VDR: variants seen among roughly 807,000 people sequenced by gnomAD.
The protein encoded by VDR is vitamin D receptor.
VDR carries 19 observed loss-of-function variants against 39.7 expected under a neutral mutation model. The observed-to-expected ratio is 0.48, with a 90% confidence interval of 0.33 to 0.70. The LOEUF (loss-of-function observed/expected upper bound fraction) is 0.70. Among genes scored for constraint, VDR ranks in the 30% least tolerant of loss-of-function variants. The pLI is 0.02. For synonymous variants in VDR, 242 were observed against 215.8 expected (o/e 1.12, Z -1.07); for missense variants, 442 against 570.5 (o/e 0.77, Z 2.29).
chr12:47,887,505 G>C (rs1946280672), intron 1 of VDR, among the ~76,000 whole-genome samples: 1 of 152,194 alleles, frequency 6.6e-6, no homozygotes, highest in Non-Finnish European at 1.5e-5. Context: ...AGTTGCAGGG[G>C]AGAAGCAGCA....
intron 3 of VDR, among the ~76,000 whole-genome samples, chr12:47,876,326 A>G (rs966707692): frequency 6.6e-5 from 10 of 152,080 alleles, no homozygotes; most frequent in Admixed American, 6.6e-4. Context: ...CCTTCCCTCA[A>G]GTTTCTGAAC....
At chr12:47,865,327 T>A in intron 3 of VDR, 150 bp from the exon 4 acceptor site, 1 of 1,160,032 alleles carries the variant, frequency 8.6e-7, no homozygotes, top group Non-Finnish European at 1.2e-6. Context: ...CTCTCACCTC[T>A]AGGCTGGGCA....
At chr12:47,899,860 G>A (rs1430359381) in intron 1 of VDR, 4 of 964,862 alleles carry the variant, frequency 4.1e-6, no homozygotes, top group Non-Finnish European at 2.5e-6. Context: ...TATGAGGATT[G>A]AGGGAGGCAA....
chr12:47,885,394 C>T (rs1192851060), intron 1 of VDR, among the ~76,000 whole-genome samples: 13 of 152,266 alleles, frequency 8.5e-5, no homozygotes, highest in Admixed American at 8.5e-4. Flanking sequence ...TGCCTGTCAG[C>T]CCACACCACA....
intron 2 of VDR, among the ~76,000 whole-genome samples, chr12:47,882,372 A>G (rs924020682): frequency 1.3e-5 from 2 of 152,274 alleles, no homozygotes; most frequent in East Asian, 3.9e-4. Context: ...CCCAGGAATG[A>G]CAGGCAGAGA....
At chr12:47,879,154 T>C (rs1010157110) in intron 2 of VDR, 39 bp from the exon 3 acceptor site, 8 of 1,604,636 alleles carry the variant, frequency 5.0e-6, no homozygotes, top group Non-Finnish European at 6.8e-6. Context: ...AGAGCCAGAG[T>C]CAGTGCCAGG....
chr12:47,875,867 T>A (rs10875693), intron 3 of VDR, among the ~76,000 whole-genome samples: 38,977 of 152,144 alleles, frequency 0.26, 5,836 homozygotes, highest in Non-Finnish European at 0.34. Context: ...TTAACATTGA[T>A]CAAACAGCCA....
chr12:47,848,646 A>C (rs1945326897), intron 7 of VDR, among the ~76,000 whole-genome samples: 3 of 131,262 alleles, frequency 2.3e-5, no homozygotes, highest in South Asian at 4.9e-4. Flanking sequence ...GGCTCACTGC[A>C]ACCTCCACCT....
intron 1 of VDR, among the ~76,000 whole-genome samples, chr12:47,887,960 C>A (rs973552337): frequency 2.6e-5 from 4 of 152,172 alleles, no homozygotes; most frequent in African/African-American, 9.7e-5. Flanking sequence ...TGGACTGACA[C>A]CCCCTGCAGT....
chr12:47,871,297 T>TCTTTCTTTCTTCCTTC (rs1491416347), intron 3 of VDR, among the ~76,000 whole-genome samples: 1 of 98,816 alleles, frequency 1.0e-5, no homozygotes, highest in African/African-American at 4.0e-5. Context: ...TCTTTCTCTT[T>TCTTTCTTTCTTCCTTC]CTTTCTTTCT....
rs1206701212 is a variant in VDR, at chr12:47,882,788, G to A, written c.-83-14C>T. On this transcript the variant is annotated splice_polypyrimidine_tract_variant and intron_variant, in intron 1 of 9. Transcript: ENST00000549336. ...ACCCAAAGGCTTCTGAAATGAAGAA[G>A]GGGAAACCTTTTATCTAAGGCGGAG... is the stretch of plus-strand genomic sequence containing the variant. 6.5e-7 allele frequency: 1 copy of A among 1,533,956 alleles called. No individual in the cohort carries two copies. Among genetic ancestry groups the A allele is most frequent in the Non-Finnish European group, 8.7e-7 (1 of 1,145,420 alleles).
intron 7 of VDR, among the ~76,000 whole-genome samples, chr12:47,847,870 G>C (rs1265540841): frequency 6.6e-6 from 1 of 152,186 alleles, no homozygotes; most frequent in Non-Finnish European, 1.5e-5. Flanking sequence ...AGCCTCCTAA[G>C]TAGCTGGGAC....
chr12:47,899,515 A>C (rs112884497), intron 1 of VDR, among the ~76,000 whole-genome samples: 3,442 of 152,358 alleles, frequency 0.023, 47 homozygotes, highest in South Asian at 0.048. Flanking sequence ...GACCTCGCCA[A>C]GATTTGAACC....
chr12:47,880,241 A>G (rs1946118721), intron 2 of VDR, among the ~76,000 whole-genome samples: 1 of 151,732 alleles, frequency 6.6e-6, no homozygotes. Flanking sequence ...ACAAGAACCC[A>G]CTCCACCCCA....
In VDR at chr12:47,844,924, C is replaced by A. The variant is rs1945247255; in HGVS notation, c.1106G>T (p.Cys369Phe). The A allele has an allele frequency of 6.2e-7, 1 of 1,613,998 alleles. No homozygotes were observed. Among genetic ancestry groups the A allele is most frequent in the Non-Finnish European group, 8.5e-7 (1 of 1,180,002 alleles). The change falls in exon 10 of 10, where the codon TGC becomes TTC. Residue 369 changes from cysteine to phenylalanine, a missense_variant. Coordinates refer to ENST00000549336, the MANE Select transcript of VDR (RefSeq NM_000376.3). ...GTGGCTGCCCGGGGGCGGGTGGCGGCAGCGGATGTACGTCTGCAGTGTGTT... is the reference window on the plus strand; with the variant it reads ...GTGGCTGCCCGGGGGCGGGTGGCGGAAGCGGATGTACGTCTGCAGTGTGTT... ...LSNTLQTYIR[C>F]RHPPPGSHLL... is the part of the protein sequence containing the mutation.
Position 47,873,063 on chromosome 12 carries a change from C to G in VDR, c.146+5905G>C, listed in dbSNP as rs533889430. Among the ~76,000 whole-genome samples the G allele has an allele frequency of 6.6e-4, 100 of 152,302 alleles. 1 individual carries two copies. Among genetic ancestry groups the G allele is most frequent in the African/African-American group, 2.3e-3 (96 of 41,572 alleles). On this transcript the variant is annotated intron_variant, in intron 3 of 9. Coordinates refer to ENST00000549336, the MANE Select transcript of VDR (RefSeq NM_000376.3). Reference sequence around the variant, plus strand: ...GACTGATATGGTTTGGCTCTGTGTCCCCACCCAAATCCCATCTCGAATTGT... The same window carrying G: ...GACTGATATGGTTTGGCTCTGTGTCGCCACCCAAATCCCATCTCGAATTGT...
At chr12:47,903,499 TC>T (rs1946606459) in intron 1 of VDR, among the ~76,000 whole-genome samples, 2 of 152,170 alleles carry the variant, frequency 1.3e-5, no homozygotes, top group African/African-American at 4.8e-5. Context: ...GACTCACAGT[TC>T]CCTCCAGCAC....
At chr12:47,889,295 G>A (rs1178774268) in intron 1 of VDR, among the ~76,000 whole-genome samples, 1 of 152,122 alleles carries the variant, frequency 6.6e-6, no homozygotes, top group African/African-American at 2.4e-5. Context: ...TCAGGGCGAG[G>A]ATGTGGTGTG....
At position 47,892,395 on chromosome 12, in the gene VDR, C is replaced by T. The variant is rs575439137; in HGVS notation, c.-83-9621G>A. Among the ~76,000 whole-genome samples, 8 of 152,362 alleles carry T rather than the reference C, an allele frequency of 5.3e-5. No homozygotes were observed. In the East Asian group the frequency reaches 1.5e-3, roughly 29 times the overall value. On this transcript the variant is annotated intron_variant, in intron 1 of 9. Coordinates refer to ENST00000549336, the MANE Select transcript of VDR (RefSeq NM_000376.3). ...AGCAGTCACCCCAAGGTGACATCGG[C>T]TGCTCCTCCATTTCTGATTAGAATG...
Sources: gnomAD v4.1 joint callset for allele counts (sites outside exome capture counted in the v4.1 genomes callset) on GRCh38, gnomAD v4.1.1 for gene constraint, MANE v1.5 for transcripts, NCBI Gene and HGNC (gene_info 2026-07-23, HGNC 2026-07-21) for gene names.